The following CRACD variants were observed in gnomAD, a reference collection of about 807,000 sequenced individuals.
The protein encoded by CRACD is capping protein inhibiting regulator of actin dynamics.
A neutral mutation model predicts 106.8 loss-of-function variants in CRACD; 56 were observed. The ratio of observed to expected loss-of-function variants is 0.52; its 90% CI spans 0.42 to 0.66. The LOEUF is 0.66. Among genes scored for constraint, CRACD ranks in the 30% least tolerant of loss-of-function variants. The pLI is 0.00. For synonymous variants in CRACD, 754 were observed against 670.8 expected (o/e 1.12, Z -1.92); for missense variants, 1,730 against 1,623.2 (o/e 1.07, Z -1.13).
At chr4:56,107,471 T>C (rs1560452835) in intron 1 of CRACD, among the ~76,000 whole-genome samples, 1 of 152,288 alleles carries the variant, frequency 6.6e-6, no homozygotes, top group South Asian at 2.1e-4. Flanking sequence ...CCTTTTTTTT[T>C]CTCTCCTCTT....
At chr4:56,159,388 C>T (rs186350883) in intron 1 of CRACD, among the ~76,000 whole-genome samples, 19 of 152,350 alleles carry the variant, frequency 1.2e-4, no homozygotes, top group African/African-American at 4.1e-4. Flanking sequence ...CGGTGGCTCA[C>T]GCCTGTAATC....
chr4:56,248,741 A>C, intron 2 of CRACD, among the ~76,000 whole-genome samples: 1 of 102,364 alleles, frequency 9.8e-6, no homozygotes, highest in African/African-American at 3.9e-5. Flanking sequence ...CCACCCCACA[A>C]CAGTCCCCAG....
intron 1 of CRACD, among the ~76,000 whole-genome samples, chr4:56,117,148 G>A (rs1734321672): frequency 6.6e-6 from 1 of 151,086 alleles, no homozygotes; most frequent in East Asian, 1.9e-4. Flanking sequence ...AGCCTCCTGA[G>A]TAACTGGGAC....
chr4:56,309,418 A>T (rs1419449384), intron 5 of CRACD, among the ~76,000 whole-genome samples: 1 of 152,126 alleles, frequency 6.6e-6, no homozygotes, highest in African/African-American at 2.4e-5. Flanking sequence ...GCAATACAGG[A>T]TAGATGGTGT....
At chr4:56,324,881 AAAGTT>A (rs1412935185) in intron 10 of CRACD, among the ~76,000 whole-genome samples, 9 of 152,192 alleles carry the variant, frequency 5.9e-5, no homozygotes, top group East Asian at 1.9e-4. Context: ...TCAAAACTAC[AAAGTT>A]AAGTTAAATG....
intron 2 of CRACD, among the ~76,000 whole-genome samples, chr4:56,265,715 G>A (rs1741981515): frequency 6.6e-6 from 1 of 152,130 alleles, no homozygotes; most frequent in South Asian, 2.1e-4. Flanking sequence ...ATTTTGCCTG[G>A]ATTCTCAAAA....
At chr4:56,244,268 T>C (rs1001514721) in intron 2 of CRACD, among the ~76,000 whole-genome samples, 1 of 151,988 alleles carries the variant, frequency 6.6e-6, no homozygotes, top group Non-Finnish European at 1.5e-5. Context: ...ATGGGCCTGA[T>C]AATGAGGGGG....
intron 1 of CRACD, among the ~76,000 whole-genome samples, chr4:56,146,398 TTTTTATTTTA>T (rs148047936): frequency 0.081 from 12,200 of 151,134 alleles, 914 homozygotes; most frequent in East Asian, 0.39. Flanking sequence ...ATGTATCTCT[TTTTTATTTTA>T]TTTTATTTTA....
chr4:56,258,197 T>C (rs1741489103), intron 2 of CRACD, among the ~76,000 whole-genome samples: 1 of 152,188 alleles, frequency 6.6e-6, no homozygotes, highest in South Asian at 2.1e-4. Context: ...GACATTCCTT[T>C]CTATTGATTC....
chr4:56,151,307 G>A (rs1402395765), intron 1 of CRACD, among the ~76,000 whole-genome samples: 2 of 152,068 alleles, frequency 1.3e-5, no homozygotes, highest in Non-Finnish European at 2.9e-5. Context: ...GCGGGTATGA[G>A]GGTTTTCATA....
intron 1 of CRACD, among the ~76,000 whole-genome samples, chr4:56,177,931 A>T (rs1030806370): frequency 2.6e-5 from 4 of 151,740 alleles, no homozygotes; most frequent in Non-Finnish European, 5.9e-5. Flanking sequence ...GATTTGTCAA[A>T]TTTTTTTATC....
At chr4:56,191,196 A>T (rs914414751) in intron 2 of CRACD, among the ~76,000 whole-genome samples, 1 of 152,198 alleles carries the variant, frequency 6.6e-6, no homozygotes, top group Non-Finnish European at 1.5e-5. Context: ...AACAACACAA[A>T]TTGTAGTTCT....
intron 3 of CRACD, among the ~76,000 whole-genome samples, chr4:56,274,386 C>G (rs1742550212): frequency 6.6e-6 from 1 of 152,182 alleles, no homozygotes; most frequent in African/African-American, 2.4e-5. Flanking sequence ...TCTATGGAAA[C>G]ACAACCCATC....
chr4:56,279,188 C>T (rs1040886530), intron 3 of CRACD, among the ~76,000 whole-genome samples: 13 of 152,204 alleles, frequency 8.5e-5, no homozygotes, highest in African/African-American at 2.4e-4. Context: ...ACCCAATGTC[C>T]GACAATCCCC....
intron 2 of CRACD, among the ~76,000 whole-genome samples, chr4:56,183,355 T>G (rs1322008804): frequency 6.6e-6 from 1 of 152,204 alleles, no homozygotes; most frequent in African/African-American, 2.4e-5. Context: ...AGATTCCCTC[T>G]AAACGTGCAG....
intron 1 of CRACD, among the ~76,000 whole-genome samples, chr4:56,057,814 GTTTTTTTTTTTTT>G (rs1167413474): frequency 1.5e-5 from 1 of 67,324 alleles, no homozygotes; most frequent in Non-Finnish European, 2.7e-5. Flanking sequence ...TTTTTTTTTT[GTTTTTTTTTTTTT>G]TTTTTTTTTG....
intron 1 of CRACD, among the ~76,000 whole-genome samples, chr4:56,078,829 T>C (rs1166441460): frequency 6.6e-6 from 1 of 152,184 alleles, no homozygotes; most frequent in African/African-American, 2.4e-5. Flanking sequence ...CTGAAATATA[T>C]GGATAAAGGG....
At chr4:56,060,511 T>C (rs1732235065) in intron 1 of CRACD, among the ~76,000 whole-genome samples, 1 of 151,334 alleles carries the variant, frequency 6.6e-6, no homozygotes, top group South Asian at 2.1e-4. Context: ...ATTCCAAAGG[T>C]AGGGGCAGAG....
intron 1 of CRACD, among the ~76,000 whole-genome samples, chr4:56,077,389 A>G (rs528158529): frequency 6.6e-6 from 1 of 152,330 alleles, no homozygotes; most frequent in Admixed American, 6.5e-5. Flanking sequence ...TGGGGATTAC[A>G]ATTCAAGATG....
Sources: allele counts gnomAD v4.1 joint callset (sites outside exome capture counted in the v4.1 genomes callset), GRCh38; gene constraint gnomAD v4.1.1; transcripts MANE v1.5; gene names NCBI Gene and HGNC (gene_info 2026-07-23, HGNC 2026-07-21).